LSAMP: variants seen among roughly 807,000 people sequenced by gnomAD.
LSAMP encodes limbic system-associated membrane protein.
Under a neutral mutation model 38.6 loss-of-function variants are expected in LSAMP, and 7 were observed. That is an observed-to-expected ratio of 0.18 (90% confidence interval 0.10 to 0.34). The LOEUF (loss-of-function observed/expected upper bound fraction) is 0.34, where lower values mean the gene tolerates loss of function less well. Among genes scored for constraint, LSAMP ranks in the 10% least tolerant of loss-of-function variants. LSAMP has a pLI of 1.00. For missense variants in LSAMP, 313 were observed against 420.0 expected (o/e 0.75, Z 2.23); for synonymous variants, 154 against 166.8 (o/e 0.92, Z 0.59).
chr3:115,893,959 A>G (rs543861443), intron 3 of LSAMP, among the ~76,000 whole-genome samples: 103 of 152,082 alleles, frequency 6.8e-4, no homozygotes, highest in African/African-American at 2.4e-3. Context: ...ACAGATTGTC[A>G]TCACTTCAAA....
chr3:115,946,853 C>A (rs1013853963), intron 3 of LSAMP, among the ~76,000 whole-genome samples: 1 of 151,544 alleles, frequency 6.6e-6, no homozygotes, highest in Non-Finnish European at 1.5e-5. Context: ...AATAACAGGC[C>A]CATTTCTTTT....
intron 3 of LSAMP, among the ~76,000 whole-genome samples, chr3:115,974,551 A>G (rs1016282421): frequency 3.9e-5 from 6 of 152,094 alleles, no homozygotes; most frequent in Non-Finnish European, 1.5e-5. Flanking sequence ...TTTAGTATCT[A>G]CACATTTTCC....
chr3:116,387,703 T>C (rs2048643036), intron 1 of LSAMP, among the ~76,000 whole-genome samples: 1 of 151,730 alleles, frequency 6.6e-6, no homozygotes, highest in Non-Finnish European at 1.5e-5. Flanking sequence ...CTAGTGAAAA[T>C]AAAAAAATAA....
intron 3 of LSAMP, among the ~76,000 whole-genome samples, chr3:115,866,279 G>A (rs917282851): frequency 6.6e-6 from 1 of 152,050 alleles, no homozygotes; most frequent in East Asian, 1.9e-4. Flanking sequence ...AATGCTGACT[G>A]CTTTCTGGCC....
At chr3:115,837,551 T>C (rs768748493) in intron 6 of LSAMP, among the ~76,000 whole-genome samples, 1 of 152,078 alleles carries the variant, frequency 6.6e-6, no homozygotes, top group Non-Finnish European at 1.5e-5. Context: ...GGTAGCAGGC[T>C]ACTGGGAGTT....
intron 6 of LSAMP, among the ~76,000 whole-genome samples, chr3:115,811,264 T>C (rs1298976789): frequency 6.6e-6 from 1 of 151,548 alleles, no homozygotes; most frequent in Non-Finnish European, 1.5e-5. Context: ...AGAGGGGAAA[T>C]AGGATGGATA....
At chr3:116,055,570 G>GAC (rs140988629) in intron 2 of LSAMP, among the ~76,000 whole-genome samples, 11,900 of 152,126 alleles carry the variant, frequency 0.078, 1,508 homozygotes, top group African/African-American at 0.27. Context: ...AAATGAAAAT[G>GAC]ACTACATTTG....
At chr3:115,810,841 A>G (rs1017755239) in intron 6 of LSAMP, among the ~76,000 whole-genome samples, 4 of 152,130 alleles carry the variant, frequency 2.6e-5, no homozygotes, top group South Asian at 2.1e-4. Context: ...TCATCATGGC[A>G]TCTCCACCAA....
At chr3:115,999,396 C>T (rs1939922079) in intron 3 of LSAMP, among the ~76,000 whole-genome samples, 2 of 152,150 alleles carry the variant, frequency 1.3e-5, no homozygotes, top group African/African-American at 4.8e-5. Context: ...ATTCTCTTCT[C>T]CTCAAAACCT....
At chr3:116,235,078 A>G (rs1219599060) in intron 1 of LSAMP, among the ~76,000 whole-genome samples, 2 of 152,166 alleles carry the variant, frequency 1.3e-5, no homozygotes, top group Admixed American at 6.6e-5. Flanking sequence ...ATTATAGTAT[A>G]GAAAATAGAC....
At chr3:115,974,635 C>T (rs986756340) in intron 3 of LSAMP, among the ~76,000 whole-genome samples, 4 of 152,134 alleles carry the variant, frequency 2.6e-5, no homozygotes, top group South Asian at 2.1e-4. Context: ...ATTTTCATTT[C>T]ACATAGAGTA....
chr3:116,032,926 A>G (rs1038733162), intron 2 of LSAMP, among the ~76,000 whole-genome samples: 1 of 152,206 alleles, frequency 6.6e-6, no homozygotes, highest in African/African-American at 2.4e-5. Context: ...AAGTCTGGTT[A>G]GGTGGGTAGC....
At chr3:115,840,745 C>T (rs1460398415) in intron 6 of LSAMP, among the ~76,000 whole-genome samples, 1 of 151,362 alleles carries the variant, frequency 6.6e-6, no homozygotes, top group African/African-American at 2.4e-5. Context: ...ATATTTTTTT[C>T]TTGAAGGCTC....
chr3:116,283,221 AG>A (rs1321693031), intron 1 of LSAMP, among the ~76,000 whole-genome samples: 1 of 115,554 alleles, frequency 8.7e-6, no homozygotes, highest in African/African-American at 2.6e-5. Context: ...AAAAAAAAGA[AG>A]AAAGAAAGAA....
At chr3:116,419,439 T>G (rs949464053) in intron 1 of LSAMP, among the ~76,000 whole-genome samples, 2 of 152,184 alleles carry the variant, frequency 1.3e-5, no homozygotes, top group Non-Finnish European at 2.9e-5. Context: ...TAATTGAGAT[T>G]TTAAATAATA....
chr3:115,941,080 A>G (rs1201666654), intron 3 of LSAMP, among the ~76,000 whole-genome samples: 2 of 152,170 alleles, frequency 1.3e-5, no homozygotes, highest in Non-Finnish European at 2.9e-5. Context: ...CATACAACTC[A>G]ATAGCAAAAA....
chr3:116,421,879 T>C (rs2049133435), intron 1 of LSAMP, among the ~76,000 whole-genome samples: 1 of 152,166 alleles, frequency 6.6e-6, no homozygotes, highest in Non-Finnish European at 1.5e-5. Context: ...GGCAGTTTCT[T>C]AAAAAGTTAA....
intron 3 of LSAMP, among the ~76,000 whole-genome samples, chr3:115,923,997 A>G (rs1937442646): frequency 6.6e-6 from 1 of 151,968 alleles, no homozygotes; most frequent in South Asian, 2.1e-4. Context: ...TTCGTCCAGT[A>G]TCTAGCAAGG....
intron 3 of LSAMP, among the ~76,000 whole-genome samples, chr3:115,896,798 G>A (rs900463990): frequency 6.6e-6 from 1 of 152,090 alleles, no homozygotes; most frequent in Non-Finnish European, 1.5e-5. Flanking sequence ...TATCCTCAGT[G>A]AAAGGACTTT....
Sources: gnomAD v4.1 joint callset for allele counts (sites outside exome capture counted in the v4.1 genomes callset) on GRCh38, gnomAD v4.1.1 for gene constraint, MANE v1.5 for transcripts, NCBI Gene and HGNC (gene_info 2026-07-23, HGNC 2026-07-21) for gene names.